COL19A1: variants seen among roughly 807,000 people sequenced by gnomAD.
The protein encoded by COL19A1 is collagen type XIX alpha 1 chain, also known as collagen alpha-1(XIX) chain.
In COL19A1, 159 loss-of-function variants were observed where a neutral mutation model predicts 190.2. The observed-to-expected ratio is 0.84, with a 90% confidence interval of 0.73 to 0.95. COL19A1 has a LOEUF of 0.95. Ranked by LOEUF, COL19A1 falls within the 40% of genes least tolerant of loss-of-function variation. COL19A1 has a pLI of 0.00. For synonymous variants in COL19A1, 509 were observed against 458.9 expected (o/e 1.11, Z -1.39); for missense variants, 1,418 against 1,431.9 (o/e 0.99, Z 0.16).
intron 11 of COL19A1, among the ~76,000 whole-genome samples, chr6:69,999,058 G>A (rs775226034): frequency 5.3e-5 from 8 of 151,662 alleles, no homozygotes; most frequent in Non-Finnish European, 8.8e-5. Context: ...CCGAGTAGCT[G>A]GGATCACAGG....
chr6:69,905,404 C>T (rs1231066575), intron 4 of COL19A1, among the ~76,000 whole-genome samples: 1 of 152,216 alleles, frequency 6.6e-6, no homozygotes, highest in Non-Finnish European at 1.5e-5. Flanking sequence ...ACATGGACAG[C>T]TCTCCCTTCA....
intron 12 of COL19A1, among the ~76,000 whole-genome samples, chr6:70,032,509 C>T (rs907159078): frequency 6.6e-6 from 1 of 151,778 alleles, no homozygotes; most frequent in African/African-American, 2.4e-5. Context: ...TTCTAGTAAC[C>T]AAATTAAGCA....
chr6:70,030,586 C>T (rs544996787), intron 12 of COL19A1, among the ~76,000 whole-genome samples: 15 of 152,256 alleles, frequency 9.9e-5, no homozygotes, highest in East Asian at 3.9e-4. Flanking sequence ...TGTTTGCAGA[C>T]GTTCAATAAT....
intron 9 of COL19A1, among the ~76,000 whole-genome samples, chr6:69,959,236 A>G (rs1349385293): frequency 6.6e-6 from 1 of 152,194 alleles, no homozygotes; most frequent in African/African-American, 2.4e-5. Flanking sequence ...AAACCAGATG[A>G]ACAGGAAGAA....
At chr6:70,198,295 T>G (rs1385631879) in intron 48 of COL19A1, among the ~76,000 whole-genome samples, 1 of 152,234 alleles carries the variant, frequency 6.6e-6, no homozygotes, top group Non-Finnish European at 1.5e-5. Flanking sequence ...CTGGAAGATT[T>G]GTCTGCACCA....
intron 15 of COL19A1, among the ~76,000 whole-genome samples, chr6:70,085,349 G>C (rs1336701687): frequency 6.6e-6 from 1 of 152,118 alleles, no homozygotes; most frequent in Non-Finnish European, 1.5e-5. Flanking sequence ...CACTGTATCT[G>C]CTAAATGGAG....
chr6:70,077,995 C>A (rs537180006), intron 15 of COL19A1, among the ~76,000 whole-genome samples: 161 of 152,318 alleles, frequency 1.1e-3, no homozygotes, highest in African/African-American at 3.6e-3. Context: ...TCTTCCAAAT[C>A]TTTTGCAGAA....
chr6:70,031,798 C>G (rs1779090738), intron 12 of COL19A1, among the ~76,000 whole-genome samples: 1 of 152,114 alleles, frequency 6.6e-6, no homozygotes, highest in East Asian at 1.9e-4. Context: ...TCTGACACCC[C>G]CCTTGAAGTA....
chr6:70,143,411 C>G (rs1458018161), intron 23 of COL19A1, among the ~76,000 whole-genome samples: 5 of 152,108 alleles, frequency 3.3e-5, no homozygotes, highest in Non-Finnish European at 2.9e-5. Context: ...CTTCTGACAA[C>G]TTGGGAGCTG....
chr6:70,185,076 A>G (rs1224523687), intron 46 of COL19A1, among the ~76,000 whole-genome samples, 161 bp downstream of exon 46: 1 of 152,224 alleles, frequency 6.6e-6, no homozygotes, highest in Non-Finnish European at 1.5e-5. Context: ...AAATATGACA[A>G]CGGACTCAGA....
intron 14 of COL19A1, among the ~76,000 whole-genome samples, chr6:70,048,074 A>G (rs1562118675): frequency 6.6e-6 from 1 of 152,148 alleles, no homozygotes; most frequent in Admixed American, 6.6e-5. Context: ...GAAGTGCCTT[A>G]GACATGCTTA....
intron 12 of COL19A1, among the ~76,000 whole-genome samples, chr6:70,025,325 C>T (rs375646632): frequency 1.6e-4 from 24 of 152,170 alleles, no homozygotes; most frequent in Admixed American, 9.2e-4. Context: ...CCACCGTGCC[C>T]GGCAGACTTG....
At chr6:70,078,234 A>T (rs572927807) in intron 15 of COL19A1, among the ~76,000 whole-genome samples, 1 of 152,222 alleles carries the variant, frequency 6.6e-6, no homozygotes, top group Non-Finnish European at 1.5e-5. Flanking sequence ...CTGAGGGCCT[A>T]TTTATTTACT....
intron 15 of COL19A1, among the ~76,000 whole-genome samples, chr6:70,076,499 A>T (rs940901614): frequency 2.6e-5 from 4 of 152,228 alleles, no homozygotes; most frequent in Non-Finnish European, 5.9e-5. Context: ...ACACATTGTG[A>T]TGAGCACACA....
chr6:69,930,219 G>A (rs1272467610), intron 6 of COL19A1, among the ~76,000 whole-genome samples: 1 of 152,010 alleles, frequency 6.6e-6, no homozygotes. Context: ...TGTATTAGTA[G>A]GTCATTTGAA....
intron 17 of COL19A1, among the ~76,000 whole-genome samples, chr6:70,129,228 G>A (rs1364096835): frequency 6.6e-6 from 1 of 152,200 alleles, no homozygotes; most frequent in Non-Finnish European, 1.5e-5. Context: ...AGGAAAGAGA[G>A]TAACTTAAGG....
intron 16 of COL19A1, among the ~76,000 whole-genome samples, chr6:70,114,830 G>T (rs1485143831): frequency 6.6e-6 from 1 of 152,140 alleles, no homozygotes; most frequent in Admixed American, 6.5e-5. Flanking sequence ...AAACTCATTA[G>T]ATTCTATTTT....
At chr6:70,080,615 G>A (rs1782189496) in intron 15 of COL19A1, among the ~76,000 whole-genome samples, 1 of 152,176 alleles carries the variant, frequency 6.6e-6, no homozygotes, top group Admixed American at 6.5e-5. Flanking sequence ...TAATATAAAT[G>A]AGGTCAGGGT....
chr6:70,147,947 T>C (rs1403595817), intron 27 of COL19A1, among the ~76,000 whole-genome samples: 2 of 152,030 alleles, frequency 1.3e-5, no homozygotes, highest in African/African-American at 4.8e-5. Context: ...GTTTATGATA[T>C]CAGTAAAGGA....
Sources: allele counts gnomAD v4.1 joint callset (sites outside exome capture counted in the v4.1 genomes callset), GRCh38; gene constraint gnomAD v4.1.1; transcripts MANE v1.5; gene names NCBI Gene and HGNC (gene_info 2026-07-23, HGNC 2026-07-21).